PPP2R5E: variants seen among roughly 807,000 people sequenced by gnomAD.
PPP2R5E encodes serine/threonine-protein phosphatase 2A 56 kDa regulatory subunit epsilon isoform.
Under a neutral mutation model 65.3 loss-of-function variants are expected in PPP2R5E, and 4 were observed. The ratio of observed to expected loss-of-function variants is 0.06; its 90% CI spans 0.03 to 0.14. The LOEUF (loss-of-function observed/expected upper bound fraction) is 0.14, where lower values mean the gene tolerates loss of function less well. PPP2R5E is among the 10% of genes least tolerant of loss of function. PPP2R5E has a pLI of 1.00. For missense variants in PPP2R5E, 274 were observed against 556.1 expected, an observed-to-expected ratio of 0.49 and a Z score of 5.10; for synonymous variants, 183 against 187.4, an observed-to-expected ratio of 0.98 and a Z score of 0.19.
chr14:63,506,200 T>C (rs1566750396), intron 2 of PPP2R5E, among the ~76,000 whole-genome samples: 1 of 152,058 alleles, frequency 6.6e-6, no homozygotes, highest in African/African-American at 2.4e-5. Context: ...CCTGTAATCC[T>C]AGCACTTTGG....
chr14:63,462,352 G>T (rs1280994171), intron 2 of PPP2R5E, among the ~76,000 whole-genome samples: 3 of 152,190 alleles, frequency 2.0e-5, no homozygotes, highest in African/African-American at 7.2e-5. Flanking sequence ...TTACAGGTGT[G>T]AGCCAGTGCA....
At chr14:63,480,415 C>T (rs1341495122) in intron 2 of PPP2R5E, among the ~76,000 whole-genome samples, 1 of 152,162 alleles carries the variant, frequency 6.6e-6, no homozygotes, top group East Asian at 1.9e-4. Context: ...GAGATCACAC[C>T]ACTGCACTCC....
intron 4 of PPP2R5E, 58 bp downstream of exon 4, chr14:63,421,935 C>T (rs769186988): frequency 1.5e-6 from 2 of 1,329,948 alleles, no homozygotes; most frequent in South Asian, 1.2e-5. Context: ...AATTCCCATG[C>T]TAATCAGCTA....
chr14:63,426,518 C>T (rs908770315), intron 3 of PPP2R5E, among the ~76,000 whole-genome samples: 7 of 151,786 alleles, frequency 4.6e-5, no homozygotes, highest in Non-Finnish European at 1.0e-4. Flanking sequence ...AAATTAAAAG[C>T]TGTATTAAAG....
At chr14:63,487,654 C>T (rs115619614) in intron 2 of PPP2R5E, among the ~76,000 whole-genome samples, 42 of 152,304 alleles carry the variant, frequency 2.8e-4, no homozygotes, top group African/African-American at 9.9e-4. Context: ...CCTTTCTATA[C>T]AAATTAGTGT....
intron 2 of PPP2R5E, among the ~76,000 whole-genome samples, chr14:63,464,085 G>C (rs1889650993): frequency 6.6e-6 from 1 of 152,096 alleles, no homozygotes; most frequent in Non-Finnish European, 1.5e-5. Context: ...CTAGTGCAAA[G>C]GGAATGGGCT....
At chr14:63,498,143 G>A in intron 2 of PPP2R5E, among the ~76,000 whole-genome samples, 1 of 152,198 alleles carries the variant, frequency 6.6e-6, no homozygotes, top group African/African-American at 2.4e-5. Context: ...GCTTTTTCAG[G>A]TAGTATCAAC....
chr14:63,535,103 C>A (rs574144982), intron 2 of PPP2R5E, among the ~76,000 whole-genome samples: 12 of 152,254 alleles, frequency 7.9e-5, no homozygotes, highest in African/African-American at 2.9e-4. Flanking sequence ...ATCAGTGATA[C>A]AGATTTCAAA....
At chr14:63,415,069 A>T in intron 5 of PPP2R5E, 71 bp downstream of exon 5, 1 of 1,145,890 alleles carries the variant, frequency 8.7e-7, no homozygotes, top group Non-Finnish European at 1.3e-6. Flanking sequence ...CTTTTTTAAC[A>T]AACATGAAGA....
At chr14:63,522,400 C>T (rs1289833153) in intron 2 of PPP2R5E, among the ~76,000 whole-genome samples, 4 of 151,412 alleles carry the variant, frequency 2.6e-5, no homozygotes, top group African/African-American at 9.7e-5. Context: ...TCTGCCTGGC[C>T]GCCCATCATC....
At chr14:63,504,533 G>C (rs1206373070) in intron 2 of PPP2R5E, among the ~76,000 whole-genome samples, 1 of 152,130 alleles carries the variant, frequency 6.6e-6, no homozygotes, top group Non-Finnish European at 1.5e-5. Flanking sequence ...AGTGAGCTGA[G>C]ATCTCACCAC....
At chr14:63,538,029 G>A (rs188303241) in intron 2 of PPP2R5E, among the ~76,000 whole-genome samples, 5 of 152,148 alleles carry the variant, frequency 3.3e-5, no homozygotes, top group Non-Finnish European at 7.4e-5. Flanking sequence ...GTGTTGGGCC[G>A]GGCATGGTGG....
chr14:63,506,092 T>G (rs905231541), intron 2 of PPP2R5E, among the ~76,000 whole-genome samples: 6 of 152,126 alleles, frequency 3.9e-5, no homozygotes, highest in African/African-American at 1.4e-4. Flanking sequence ...GGAGAAAATA[T>G]TTGCAAATCA....
Position 63,406,336 on chromosome 14 carries a change from G to A in PPP2R5E, c.549+8804C>T, listed in dbSNP as rs1465064181. On this transcript the variant is annotated intron_variant, in intron 5 of 13. Coordinates refer to ENST00000337537, the MANE Select transcript of PPP2R5E (RefSeq NM_006246.5). ...TGAGACAGAAGAATCACTTGAACCC[G>A]GGAGGCGGAGGTTGCCGTGAGCCGA... is the stretch of plus-strand genomic sequence containing the variant. Among the ~76,000 whole-genome samples, 7 of 151,694 alleles carry A rather than the reference G, an allele frequency of 4.6e-5. No individual in the cohort carries two copies. In the East Asian group the frequency reaches 1.4e-3, roughly 29 times the overall value.
At chr14:63,458,658 T>G (rs1889281913) in intron 2 of PPP2R5E, among the ~76,000 whole-genome samples, 1 of 152,164 alleles carries the variant, frequency 6.6e-6, no homozygotes. Context: ...GGCAAATTAT[T>G]TACACATAAA....
At chr14:63,461,630 C>G (rs1889465033) in intron 2 of PPP2R5E, among the ~76,000 whole-genome samples, 1 of 115,358 alleles carries the variant, frequency 8.7e-6, no homozygotes, top group Non-Finnish European at 1.7e-5. Flanking sequence ...GATCGCGTCT[C>G]TACAAAATTT....
At chr14:63,541,725 T>G (rs1395730058) in intron 1 of PPP2R5E, among the ~76,000 whole-genome samples, 3 of 152,192 alleles carry the variant, frequency 2.0e-5, no homozygotes, top group Non-Finnish European at 2.9e-5. Flanking sequence ...CTGGATTACG[T>G]GGATTTTGAC....
At chr14:63,464,909 G>A in intron 2 of PPP2R5E, among the ~76,000 whole-genome samples, 1 of 151,980 alleles carries the variant, frequency 6.6e-6, no homozygotes, top group Middle Eastern at 3.2e-3. Flanking sequence ...TGTAGTTCCA[G>A]CTATTTGGGA....
intron 3 of PPP2R5E, among the ~76,000 whole-genome samples, chr14:63,442,721 T>C (rs768046014): frequency 1.6e-4 from 24 of 152,224 alleles, no homozygotes; most frequent in Non-Finnish European, 3.1e-4. Flanking sequence ...CATAGGTATA[T>C]ATGTATAGGG....
Sources: gnomAD v4.1 joint callset for allele counts (sites outside exome capture counted in the v4.1 genomes callset) on GRCh38, gnomAD v4.1.1 for gene constraint, MANE v1.5 for transcripts, NCBI Gene and HGNC (gene_info 2026-07-23, HGNC 2026-07-21) for gene names.